Variants in NEIL3 observed in about 807,000 individuals in gnomAD.
NEIL3 encodes the protein nei like DNA glycosylase 3.
NEIL3 carries 48 observed loss-of-function variants against 57.5 expected under a neutral mutation model. That is an observed-to-expected ratio of 0.83 (90% CI 0.66 to 1.06). The LOEUF (loss-of-function observed/expected upper bound fraction) is 1.06. Among genes scored for constraint, NEIL3 ranks in the 50% least tolerant of loss-of-function variants. The probability of loss-of-function intolerance (pLI) is 0.00; values close to 1 mark genes in which losing one functional copy is unlikely to be tolerated. For synonymous variants in NEIL3, 261 were observed against 253.2 expected, an observed-to-expected ratio of 1.03 and a Z score of -0.29; for missense variants, 717 against 739.1, an observed-to-expected ratio of 0.97 and a Z score of 0.35.
intron 5 of NEIL3, among the ~76,000 whole-genome samples, chr4:177,340,409 A>G (rs1417916635): frequency 1.3e-5 from 2 of 152,264 alleles, no homozygotes; most frequent in African/African-American, 4.8e-5. Context: ...ATATGCATAT[A>G]TAGAATTCAA....
chr4:177,322,538 T>G lies in NEIL3; in HGVS notation c.236T>G (p.Leu79Trp), dbSNP rs144512490. Reference protein sequence around the residue: ...NGYVYSGVETLGKELFMYFGP... With the variant: ...NGYVYSGVETWGKELFMYFGP... ...TATGTTTACAGTGGCGTGGAAACTTTGGGGAAGGAGCTCTTTATGTACTTT... is the reference window on the plus strand; with the variant it reads ...TATGTTTACAGTGGCGTGGAAACTTGGGGGAAGGAGCTCTTTATGTACTTT... The change falls in exon 2 of 10, where the codon TTG becomes TGG. Residue 79 changes from leucine (L) to tryptophan (W), a missense_variant. Physicochemically the swap from Leu to Trp is moderately conservative, Grantham distance 61. Coordinates refer to ENST00000264596, the MANE Select transcript of NEIL3 (RefSeq NM_018248.3). 428 of 1,613,838 alleles carry G rather than the reference T, an allele frequency of 2.7e-4. 1 individual carries two copies. The highest frequency in any genetic ancestry group is 3.5e-4 in the Non-Finnish European group (408 of 1,179,878).
At chr4:177,348,185 G>C (rs1426016487) in intron 6 of NEIL3, among the ~76,000 whole-genome samples, 1 of 152,184 alleles carries the variant, frequency 6.6e-6, no homozygotes, top group Non-Finnish European at 1.5e-5. Flanking sequence ...CACCCCTAGA[G>C]CTGGGGATTC....
chr4:177,318,537 A>T (rs1050282778), intron 1 of NEIL3, among the ~76,000 whole-genome samples: 3 of 152,218 alleles, frequency 2.0e-5, no homozygotes, highest in Admixed American at 2.0e-4. Context: ...TTCAGAACTG[A>T]TAGAGTAAAA....
chr4:177,325,116 A>G (rs1316707589), intron 2 of NEIL3, among the ~76,000 whole-genome samples: 2 of 152,188 alleles, frequency 1.3e-5, no homozygotes, highest in Admixed American at 1.3e-4. Context: ...TTGCCATTTT[A>G]GAAATGCCTT....
intron 2 of NEIL3, among the ~76,000 whole-genome samples, chr4:177,323,911 T>C (rs966922266): frequency 7.9e-5 from 12 of 152,128 alleles, no homozygotes; most frequent in Non-Finnish European, 1.2e-4. Context: ...TTCAAACTCA[T>C]TGAACTAGTG....
intron 2 of NEIL3, among the ~76,000 whole-genome samples, chr4:177,329,462 G>A (rs1334383309): frequency 6.6e-6 from 1 of 151,930 alleles, no homozygotes; most frequent in Non-Finnish European, 1.5e-5. Flanking sequence ...TAAAATCAAA[G>A]TAGATTTCAG....
intron 1 of NEIL3, among the ~76,000 whole-genome samples, chr4:177,316,821 C>A (rs1239662271): frequency 4.6e-5 from 7 of 152,080 alleles, no homozygotes; most frequent in Admixed American, 4.6e-4. Context: ...AGTACTATGA[C>A]AGTGGTTTAG....
rs1735343714 is a variant in NEIL3, at chr4:177,351,237, AAG to A, written c.870-141_870-140del. 2.8e-5 allele frequency: 8 copies of A among 281,928 alleles called. No individual in the cohort carries two copies. The South Asian group carries it at 3.3e-4, about 12-fold the overall frequency. The allele number at this position is 281,928 out of a possible 1,614,324, so 17.5% of individuals were successfully genotyped here. A position where few individuals can be genotyped will look rare whatever the true frequency, so the allele number is the denominator to read the frequency against. ...AAAAAAAAAAAAAAAAAAAAAAAAA[AAG>A]ACTCTAAGATACAGTACTAACTTCC... is the stretch of plus-strand genomic sequence containing the variant. On this transcript the variant is annotated intron_variant, in intron 6 of 9. Coordinates refer to ENST00000264596, the MANE Select transcript of NEIL3 (RefSeq NM_018248.3).
chr4:177,330,737 G>A (rs1238512542), intron 2 of NEIL3, among the ~76,000 whole-genome samples: 1 of 152,034 alleles, frequency 6.6e-6, no homozygotes, highest in African/African-American at 2.4e-5. Flanking sequence ...TTTTAATAAT[G>A]TATTTTATTA....
intron 1 of NEIL3, 61 bp from the exon 2 acceptor site, chr4:177,322,398 A>G: frequency 6.2e-7 from 1 of 1,603,688 alleles, no homozygotes; most frequent in Non-Finnish European, 8.5e-7. Flanking sequence ...GAATTAAATA[A>G]TGCTTTTGCT....
chr4:177,312,200 G>A lies in NEIL3; in HGVS notation c.156+2091G>A, dbSNP rs575358355. 5.9e-5 allele frequency among the ~76,000 whole-genome samples: 9 copies of A among 152,228 alleles called. No homozygotes were observed. In the East Asian group the frequency reaches 1.7e-3, roughly 29 times the overall value. On this transcript the variant is annotated intron_variant, in intron 1 of 9. Transcript: ENST00000264596. ...GGATTAACCTGATTCTACAGATGAG[G>A]CATATGAGGCTCAGAGTGACTTTAA... is the stretch of plus-strand genomic sequence containing the variant.
intron 2 of NEIL3, among the ~76,000 whole-genome samples, chr4:177,332,615 G>C (rs896060076): frequency 1.3e-5 from 2 of 152,156 alleles, no homozygotes; most frequent in African/African-American, 4.8e-5. Flanking sequence ...ACCAAGAGCA[G>C]CTCTTTCAGG....
chr4:177,312,634 A>G (rs774068589), intron 1 of NEIL3, among the ~76,000 whole-genome samples: 8 of 152,182 alleles, frequency 5.3e-5, no homozygotes, highest in Non-Finnish European at 2.9e-5. Context: ...TGGCAGCAAT[A>G]TTCAATAAGT....
chr4:177,345,565 G>A (rs1449678912), intron 6 of NEIL3, among the ~76,000 whole-genome samples: 10 of 151,518 alleles, frequency 6.6e-5, no homozygotes, highest in African/African-American at 1.7e-4. Flanking sequence ...ATATGTGTAC[G>A]TAGAGATGGC....
At chr4:177,359,767 T>G (rs1735570491) in intron 8 of NEIL3, among the ~76,000 whole-genome samples, 1 of 152,212 alleles carries the variant, frequency 6.6e-6, no homozygotes, top group Non-Finnish European at 1.5e-5. Context: ...TAAATAAGCT[T>G]CTTTTCAAGA....
At chr4:177,335,663 C>CA in intron 2 of NEIL3, 25 bp from the exon 3 acceptor site, 1 of 1,604,032 alleles carries the variant, frequency 6.2e-7, no homozygotes, top group East Asian at 2.2e-5. Context: ...TTCTGCCACT[C>CA]AAAAATGGTT....
chr4:177,364,787 G>C (rs563530881), downstream of NEIL3, among the ~76,000 whole-genome samples: 192 of 152,182 alleles, frequency 1.3e-3, 1 homozygote, highest in African/African-American at 4.4e-3. Context: ...AATTAGCTGG[G>C]CGTGGTGGCT....
downstream of NEIL3, among the ~76,000 whole-genome samples, chr4:177,363,556 A>G (rs1459333807): frequency 6.6e-6 from 1 of 152,200 alleles, no homozygotes; most frequent in Non-Finnish European, 1.5e-5. Context: ...AAGTACATAG[A>G]GAGTACATTA....
At chr4:177,318,491 T>C (rs1734615203) in intron 1 of NEIL3, among the ~76,000 whole-genome samples, 1 of 152,198 alleles carries the variant, frequency 6.6e-6, no homozygotes, top group Admixed American at 6.5e-5. Flanking sequence ...GTTGTCTTCA[T>C]GGAGTAGAAA....
Sources: gnomAD v4.1 joint callset for allele counts (sites outside exome capture counted in the v4.1 genomes callset) on GRCh38, gnomAD v4.1.1 for gene constraint, MANE v1.5 for transcripts, NCBI Gene and HGNC (gene_info 2026-07-23, HGNC 2026-07-21) for gene names.